SLC39A10: variants seen among roughly 807,000 people sequenced by gnomAD.
SLC39A10 encodes solute carrier family 39 member 10, also known as zinc transporter ZIP10.
A neutral mutation model predicts 65.1 loss-of-function variants in SLC39A10; 13 were observed. The ratio of observed to expected loss-of-function variants is 0.20; its 90% CI spans 0.13 to 0.32. SLC39A10 has a LOEUF of 0.32. Ranked by LOEUF, SLC39A10 falls within the 10% of genes least tolerant of loss-of-function variation. The probability of loss-of-function intolerance (pLI) is 1.00; values close to 1 mark genes in which losing one functional copy is unlikely to be tolerated. For missense variants in SLC39A10, 831 were observed against 1,018.4 expected, an observed-to-expected ratio of 0.82 and a Z score of 2.50; for synonymous variants, 321 against 342.2, an observed-to-expected ratio of 0.94 and a Z score of 0.68.
At chr2:195,695,106 A>G (rs1690896072) in intron 3 of SLC39A10, among the ~76,000 whole-genome samples, 1 of 152,084 alleles carries the variant, frequency 6.6e-6, no homozygotes, top group Admixed American at 6.6e-5. Context: ...GCTCCACCCC[A>G]GTGCGCATTC....
chr2:195,638,764 C>A (rs771807101), intron 2 of SLC39A10, among the ~76,000 whole-genome samples: 11 of 152,038 alleles, frequency 7.2e-5, no homozygotes, highest in Non-Finnish European at 1.2e-4. Flanking sequence ...CAATTATGAA[C>A]CAATATTGAT....
chr2:195,707,810 G>A (rs969378777), intron 4 of SLC39A10, among the ~76,000 whole-genome samples: 15 of 152,078 alleles, frequency 9.9e-5, no homozygotes, highest in African/African-American at 3.6e-4. Flanking sequence ...TGAGTGGTCT[G>A]ATATCCTCTG....
rs1407272356 is a variant in SLC39A10, at chr2:195,624,123, T to C, written c.-12+17890T>C. Among the ~76,000 whole-genome samples the C allele has an allele frequency of 2.6e-5, 4 of 152,186 alleles. No homozygotes were observed. The East Asian group carries it at 5.8e-4, about 22-fold the overall frequency. On this transcript the variant is annotated intron_variant, in intron 2 of 2. Transcript: ENST00000458054. ...AGGCCTGGCCAGGTGCGGTGGTTCA[T>C]ACCTGTAATTCCGGCACTTTGGGAG...
At chr2:195,619,777 A>G (rs1386066663) in intron 2 of SLC39A10, among the ~76,000 whole-genome samples, 2 of 152,210 alleles carry the variant, frequency 1.3e-5, no homozygotes, top group Non-Finnish European at 2.9e-5. Flanking sequence ...TCTGAGTAAG[A>G]TGGAATAGGA....
intron 6 of SLC39A10, among the ~76,000 whole-genome samples, chr2:195,714,912 C>A (rs952102601): frequency 1.3e-5 from 2 of 151,864 alleles, no homozygotes; most frequent in African/African-American, 4.8e-5. Context: ...GCCATCACGC[C>A]CGTCTAATTT....
upstream of SLC39A10, among the ~76,000 whole-genome samples, chr2:195,655,104 A>C (rs1689118351): frequency 6.6e-6 from 1 of 152,192 alleles, no homozygotes; most frequent in African/African-American, 2.4e-5. Flanking sequence ...AACCAAGTAG[A>C]ATGGGAGTGA....
chr2:195,653,716 AT>A (rs1259519373), upstream of SLC39A10, among the ~76,000 whole-genome samples: 1 of 152,256 alleles, frequency 6.6e-6, no homozygotes, highest in Non-Finnish European at 1.5e-5. Context: ...AGAAGTGACC[AT>A]TCAGTTAGTT....
chr2:195,698,179 A>G (rs1691043852), intron 3 of SLC39A10, among the ~76,000 whole-genome samples: 1 of 152,144 alleles, frequency 6.6e-6, no homozygotes, highest in Non-Finnish European at 1.5e-5. Flanking sequence ...GAGAAAGTAG[A>G]GTACTTGGAA....
upstream of SLC39A10, among the ~76,000 whole-genome samples, chr2:195,656,176 G>T (rs1689139895): frequency 6.6e-6 from 1 of 152,172 alleles, no homozygotes. Context: ...AGTAGATTCT[G>T]GTTGGATATA....
rs1255089365 is a variant in SLC39A10 at position 195,735,194 on chromosome 2, T to G, written c.*153T>G. The G allele has an allele frequency of 3.0e-6, 2 of 665,738 alleles. No homozygotes were observed. Among genetic ancestry groups the G allele is most frequent in the Admixed American group, 3.7e-5 (1 of 27,166 alleles). 41.2% of individuals were successfully genotyped at this position (665,738 alleles called of 1,614,324 possible). On this transcript the variant is annotated 3_prime_UTR_variant, in exon 10 of 10. Coordinates refer to ENST00000359634, the MANE Select transcript of SLC39A10 (RefSeq NM_020342.3). ...GAGCCTAACCACAAGAGGCTGGTGC[T>G]TAGTACTGTTTTCCCTGCACGTAGG... is the stretch of plus-strand genomic sequence containing the variant.
chr2:195,706,610 C>T lies in SLC39A10; in HGVS notation c.1217-6C>T. 6.2e-7 allele frequency: 1 copy of T among 1,608,668 alleles called. No homozygotes were observed. On this transcript the variant is annotated splice_region_variant and splice_polypyrimidine_tract_variant and intron_variant, in intron 3 of 9. Coordinates refer to ENST00000359634, the MANE Select transcript of SLC39A10 (RefSeq NM_020342.3). Reference sequence around the variant, plus strand: ...CTAATGTTGACTCTTAATTTCTTTTCTACAGCCTGGATTTGTGGTATCATT... The same window carrying T: ...CTAATGTTGACTCTTAATTTCTTTTTTACAGCCTGGATTTGTGGTATCATT...
intron 2 of SLC39A10, among the ~76,000 whole-genome samples, chr2:195,647,081 C>T (rs908220741): frequency 2.6e-5 from 4 of 152,052 alleles, no homozygotes; most frequent in Non-Finnish European, 4.4e-5. Flanking sequence ...ATGATTAAAT[C>T]GGGCCCATTT....
At chr2:195,698,470 T>C (rs1272980349) in intron 3 of SLC39A10, among the ~76,000 whole-genome samples, 2 of 152,080 alleles carry the variant, frequency 1.3e-5, no homozygotes, top group African/African-American at 2.4e-5. Flanking sequence ...ATATATGGCT[T>C]TTATTATGTA....
intron 1 of SLC39A10, among the ~76,000 whole-genome samples, chr2:195,675,735 G>A (rs1371008300): frequency 1.3e-5 from 2 of 152,132 alleles, no homozygotes; most frequent in Non-Finnish European, 2.9e-5. Context: ...CCTGGCCCCA[G>A]TAAGGATTCT....
At chr2:195,623,085 C>A (rs1203874945) in intron 2 of SLC39A10, among the ~76,000 whole-genome samples, 2 of 151,276 alleles carry the variant, frequency 1.3e-5, no homozygotes, top group African/African-American at 4.9e-5. Context: ...TGTCACCAAG[C>A]AATGATTACC....
Position 195,680,547 on chromosome 2 carries a change from A to C in SLC39A10, c.505A>C (p.Lys169Gln), listed in dbSNP as rs1271556343. Reference sequence around the variant, plus strand: ...TGAAGTGTCTGTAAAATCTGATGATAAACATATGCATGACCATAATCACCG... The same window carrying C: ...TGAAGTGTCTGTAAAATCTGATGATCAACATATGCATGACCATAATCACCG... The part of the protein sequence containing the change: ...TVEVSVKSDD[K>Q]HMHDHNHRLR... Residue 169 changes from lysine to glutamine, a missense_variant, in exon 2 of 10, where the codon AAA becomes CAA. By Grantham distance (53) the Lys-to-Gln change is moderately conservative. Transcript: ENST00000359634. 1 of 1,614,192 alleles carries C rather than the reference A, an allele frequency of 6.2e-7. No homozygotes were observed. The highest frequency in any genetic ancestry group is 2.2e-5 in the East Asian group (1 of 44,886).
intron 2 of SLC39A10, among the ~76,000 whole-genome samples, chr2:195,633,903 G>A (rs533805771): frequency 6.6e-6 from 1 of 152,322 alleles, no homozygotes; most frequent in African/African-American, 2.4e-5. Flanking sequence ...CTCGCTTTAG[G>A]CCATGGTCTC....
intron 8 of SLC39A10, among the ~76,000 whole-genome samples, chr2:195,719,073 G>A (rs1302917998): frequency 6.7e-6 from 1 of 149,926 alleles, no homozygotes; most frequent in Admixed American, 6.6e-5. Context: ...TTAAAAAAAT[G>A]TTTTCTTGTT....
chr2:195,680,958 C>A lies in SLC39A10; in HGVS notation c.916C>A (p.Arg306=). 1 of 1,613,810 alleles carries A rather than the reference C, an allele frequency of 6.2e-7. No individual in the cohort carries two copies. The highest frequency in any genetic ancestry group is 8.5e-7 in the Non-Finnish European group (1 of 1,179,968). Reference sequence around the variant, plus strand: ...TGATCCTGATAATGAAGGTGAACTTCGACATACTAGAAAGAGAGAAGCACC... The same window carrying A: ...TGATCCTGATAATGAAGGTGAACTTAGACATACTAGAAAGAGAGAAGCACC... The part of the protein sequence containing the change: ...DLDPDNEGEL[R]HTRKREAPHV... The change falls in exon 2 of 10, where the codon CGA becomes AGA. Residue 306 remains arginine, a synonymous_variant. Transcript: ENST00000359634.
Sources: gnomAD v4.1 joint callset for allele counts (sites outside exome capture counted in the v4.1 genomes callset) on GRCh38, gnomAD v4.1.1 for gene constraint, MANE v1.5 for transcripts, NCBI Gene and HGNC (gene_info 2026-07-23, HGNC 2026-07-21) for gene names.